Variants in FAM20A observed in about 807,000 individuals in gnomAD.
FAM20A encodes the protein pseudokinase FAM20A.
Under a neutral mutation model 52.0 loss-of-function variants are expected in FAM20A, and 42 were observed. The ratio of observed to expected loss-of-function variants is 0.81; its 90% CI spans 0.63 to 1.04. The LOEUF is 1.04. Among genes scored for constraint, FAM20A ranks in the 50% least tolerant of loss-of-function variants. The probability of loss-of-function intolerance (pLI) is 0.00; values close to 1 mark genes in which losing one functional copy is unlikely to be tolerated. For synonymous variants in FAM20A, 304 were observed against 298.9 expected (o/e 1.02, Z -0.18); for missense variants, 742 against 712.7 (o/e 1.04, Z -0.47).
chr17:68,561,440 G>A (rs1785429646), intron 1 of FAM20A, among the ~76,000 whole-genome samples: 2 of 152,100 alleles, frequency 1.3e-5, no homozygotes, highest in Admixed American at 6.5e-5. Context: ...ATCTTTGTCA[G>A]ACAAAACATT....
chr17:68,546,324 A>G (rs2086564203), intron 4 of FAM20A, among the ~76,000 whole-genome samples: 1 of 152,024 alleles, frequency 6.6e-6, no homozygotes, highest in Non-Finnish European at 1.5e-5. Flanking sequence ...TGAAGTCTTG[A>G]ACCCCTCAAA....
rs1197152554 is a variant in FAM20A at position 68,536,680 on chromosome 17, G to A, written c.*797C>T. On this transcript the variant is annotated 3_prime_UTR_variant, in exon 11 of 11. Transcript: ENST00000592554. ...TGGCTCTTTTCCTGCCTTACTCCAG[G>A]CTTGTGTCCCTGCTAGGCCTGTTCC... 1 of 453,372 alleles carries A rather than the reference G, an allele frequency of 2.2e-6. No individual in the cohort carries two copies. Among genetic ancestry groups the A allele is most frequent in the South Asian group, 1.6e-5 (1 of 64,332 alleles). The allele number at this position is 453,372 out of a possible 1,614,324, so 28.1% of individuals were successfully genotyped here.
intron 3 of FAM20A, among the ~76,000 whole-genome samples, chr17:68,553,253 C>A (rs977650601): frequency 6.6e-6 from 1 of 152,184 alleles, no homozygotes; most frequent in Admixed American, 6.5e-5. Flanking sequence ...TCCCCTCCCC[C>A]TTCTGCCATG....
Position 68,588,379 on chromosome 17 carries a change from A to G in FAM20A, c.404+11884T>C, listed in dbSNP as rs560328014. On this transcript the variant is annotated intron_variant, in intron 1 of 10. Transcript: ENST00000592554. ...TCAGATATGGCTTTGCCCCTGCCCC[A>G]GGGAACTGAGATGGAGACAGGCCTA... 3.9e-4 allele frequency among the ~76,000 whole-genome samples: 59 copies of G among 152,364 alleles called. No homozygotes were observed. The South Asian group carries it at 0.01, about 26-fold the overall frequency.
chr17:68,579,818 G>C (rs557861157), intron 1 of FAM20A, among the ~76,000 whole-genome samples: 2 of 152,216 alleles, frequency 1.3e-5, no homozygotes, highest in East Asian at 3.9e-4. Flanking sequence ...TCAATGCTTT[G>C]GGAAGCGACG....
At position 68,552,445 on chromosome 17, in the gene FAM20A, A is replaced by C. The variant is rs373835750; in HGVS notation, c.641-494T>G. 7.9e-5 allele frequency among the ~76,000 whole-genome samples: 12 copies of C among 152,138 alleles called. No homozygotes were observed. In the South Asian group the frequency reaches 1.0e-3, roughly 13 times the overall value. On this transcript the variant is annotated intron_variant, in intron 3 of 10. Coordinates refer to ENST00000592554, the MANE Select transcript of FAM20A (RefSeq NM_017565.4). Reference sequence around the variant, plus strand: ...TATGCCTCTTTCTACTTAAGACTGTACACCTGGGCTGGGACCAGGGCTTGG... The same window carrying C: ...TATGCCTCTTTCTACTTAAGACTGTCCACCTGGGCTGGGACCAGGGCTTGG...
At chr17:68,551,123 A>G (rs2086815905) in intron 4 of FAM20A, 2 of 1,234,182 alleles carry the variant, frequency 1.6e-6, no homozygotes, top group East Asian at 3.2e-5. Flanking sequence ...CCCCTGGGCT[A>G]AGGCACTGGG....
chr17:68,557,135 G>T (rs2087076173), intron 1 of FAM20A, among the ~76,000 whole-genome samples: 1 of 151,998 alleles, frequency 6.6e-6, no homozygotes, highest in Non-Finnish European at 1.5e-5. Flanking sequence ...AGGAGGTGGA[G>T]GTTGCAGCAA....
chr17:68,581,581 C>CTT (rs11330363), intron 1 of FAM20A, among the ~76,000 whole-genome samples: 7 of 96,110 alleles, frequency 7.3e-5, no homozygotes, highest in African/African-American at 2.0e-4. Flanking sequence ...TTCTTTTTTC[C>CTT]TTTTTTTTTT....
At chr17:68,552,883 C>G (rs1038515119) in intron 3 of FAM20A, among the ~76,000 whole-genome samples, 1 of 117,572 alleles carries the variant, frequency 8.5e-6, no homozygotes, top group East Asian at 2.3e-4. Context: ...GGGTTTCACC[C>G]TGTTAGCCAG....
chr17:68,575,606 T>C (rs1405597752), intron 1 of FAM20A, among the ~76,000 whole-genome samples: 1 of 111,754 alleles, frequency 8.9e-6, no homozygotes, highest in African/African-American at 3.6e-5. Flanking sequence ...TTATATATAA[T>C]ATATTCTATA....
Position 68,537,013 on chromosome 17 carries a change from C to CT in FAM20A, c.*463dup, listed in dbSNP as rs1568714381. The CT allele has an allele frequency of 2.2e-6, 1 of 455,220 alleles. No homozygotes were observed. The highest frequency in any genetic ancestry group is 2.0e-5 in the African/African-American group (1 of 50,172). 28.2% of individuals were successfully genotyped at this position (455,220 alleles called of 1,614,324 possible). A position where few individuals can be genotyped will look rare whatever the true frequency, so the allele number is the denominator to read the frequency against. The stretch of plus-strand genomic sequence containing the variant: ...CCTGTCAGAGTTACTGTTGCCTGCG[C>CT]TGGCCCAAAGTGCAGATTTTTAGTC... On this transcript the variant is annotated 3_prime_UTR_variant, in exon 11 of 11. Coordinates refer to ENST00000592554, the MANE Select transcript of FAM20A (RefSeq NM_017565.4). This position sits in a 1 kb window ranked among gnomAD's most constrained non-coding sequence, Gnocchi z 4.2.
At chr17:68,569,840 T>A (rs763307836) in intron 1 of FAM20A, among the ~76,000 whole-genome samples, 35 of 152,318 alleles carry the variant, frequency 2.3e-4, no homozygotes, top group South Asian at 1.0e-3. Context: ...GTTTGTCTCA[T>A]TTGTCTACCA....
intron 1 of FAM20A, among the ~76,000 whole-genome samples, chr17:68,599,580 A>G (rs2088551810): frequency 6.6e-6 from 1 of 152,210 alleles, no homozygotes; most frequent in Non-Finnish European, 1.5e-5. Flanking sequence ...AATCACCAGG[A>G]TCATACAAGA....
chr17:68,535,767 C>T lies in FAM20A; in HGVS notation c.*1710G>A. ...GACCAAGCGATCTGCCTGTTTAGGCCCAAAGTGCTGGGATTACAGGTGTGA... is the reference window on the plus strand; with the variant it reads ...GACCAAGCGATCTGCCTGTTTAGGCTCAAAGTGCTGGGATTACAGGTGTGA... On this transcript the variant is annotated 3_prime_UTR_variant, in exon 11 of 11. Coordinates refer to ENST00000592554, the MANE Select transcript of FAM20A (RefSeq NM_017565.4). 2.2e-6 allele frequency: 1 copy of T among 453,026 alleles called. No homozygotes were observed. Among genetic ancestry groups the T allele is most frequent in the Non-Finnish European group, 4.4e-6 (1 of 226,490 alleles). 28.1% of individuals were successfully genotyped at this position (453,026 alleles called of 1,614,324 possible).
chr17:68,546,755 G>A (rs564335219), intron 4 of FAM20A, among the ~76,000 whole-genome samples: 13 of 151,542 alleles, frequency 8.6e-5, no homozygotes, highest in Non-Finnish European at 1.9e-4. Flanking sequence ...GCGTGAACCC[G>A]GGAGGTGGAG....
At chr17:68,578,304 G>A (rs954797359) in intron 1 of FAM20A, among the ~76,000 whole-genome samples, 5 of 152,194 alleles carry the variant, frequency 3.3e-5, no homozygotes, top group Non-Finnish European at 7.3e-5. Context: ...TCTGCATGTA[G>A]GTGGGTACAA....
intron 2 of FAM20A, 26 bp downstream of exon 2, chr17:68,555,533 C>A: frequency 6.2e-7 from 1 of 1,611,758 alleles, no homozygotes; most frequent in Non-Finnish European, 8.5e-7. Flanking sequence ...AGTCAGTCCC[C>A]CCTTGCTTGA....
At chr17:68,575,710 TTATA>T (rs1447875438) in intron 1 of FAM20A, among the ~76,000 whole-genome samples, 2 of 122,172 alleles carry the variant, frequency 1.6e-5, no homozygotes, top group East Asian at 4.1e-4. Flanking sequence ...ATATTATATA[TTATA>T]TATTTTATAT....
Sources: gnomAD v4.1 joint callset for allele counts (sites outside exome capture counted in the v4.1 genomes callset) on GRCh38, gnomAD v4.1.1 for gene constraint, Gnocchi (gnomAD v3.1) non-coding constraint, MANE v1.5 for transcripts, NCBI Gene and HGNC (gene_info 2026-07-23, HGNC 2026-07-21) for gene names.